Variants in BRD3 observed in about 807,000 individuals in gnomAD.
BRD3 encodes bromodomain containing 3.
Under a neutral mutation model 66.8 loss-of-function variants are expected in BRD3, and 17 were observed. The ratio of observed to expected loss-of-function variants is 0.25; its 90% confidence interval spans 0.17 to 0.38. BRD3 has a LOEUF of 0.38. BRD3 is among the 10% of genes least tolerant of loss of function. The pLI is 1.00. For missense variants in BRD3, 713 were observed against 956.1 expected (o/e 0.75, Z 3.35); for synonymous variants, 421 against 393.2 (o/e 1.07, Z -0.84).
At chr9:134,052,220 A>C in intron 3 of BRD3, 86 bp downstream of exon 3, 1 of 1,530,500 alleles carries the variant, frequency 6.5e-7, no homozygotes, top group Non-Finnish European at 8.8e-7. Context: ...CCTGCCCAAG[A>C]GCTGCTGCAA....
Position 134,049,804 on chromosome 9 carries a change from C to T in BRD3, c.714+570G>A, listed in dbSNP as rs189517506. On this transcript the variant is annotated intron_variant, in intron 5 of 11. Transcript: ENST00000303407. ...AGATAATACACATAAGTGCCTGGCA[C>T]GGGCCCTGCCCAAAGCAGGAGACTC... Among the ~76,000 whole-genome samples, 374 of 152,342 alleles carry T rather than the reference C, an allele frequency of 2.5e-3. 2 individuals are homozygous for T. Among genetic ancestry groups the T allele is most frequent in the African/African-American group, 8.5e-3 (353 of 41,588 alleles).
At chr9:134,062,668 G>A (rs116427967) in intron 1 of BRD3, among the ~76,000 whole-genome samples, 2,001 of 152,272 alleles carry the variant, frequency 0.013, 42 homozygotes, top group African/African-American at 0.046. Flanking sequence ...CTCTACCCCC[G>A]TGGGACCCTC....
intron 8 of BRD3, among the ~76,000 whole-genome samples, chr9:134,041,554 C>T (rs1020235869): frequency 3.3e-5 from 5 of 152,240 alleles, no homozygotes; most frequent in African/African-American, 9.6e-5. Context: ...CACGTGTCCC[C>T]GCAGCCACCC....
intron 1 of BRD3, among the ~76,000 whole-genome samples, chr9:134,062,360 G>T (rs1202604651): frequency 6.6e-6 from 1 of 152,138 alleles, no homozygotes; most frequent in Non-Finnish European, 1.5e-5. Context: ...CAGACACGCT[G>T]GGCAGGTGCA....
At chr9:134,037,173 T>G (rs943472304) in intron 9 of BRD3, among the ~76,000 whole-genome samples, 2 of 151,954 alleles carry the variant, frequency 1.3e-5, no homozygotes, top group African/African-American at 4.8e-5. Flanking sequence ...AGGAAAAAAG[T>G]GAGAAAAAAA....
Position 134,036,159 on chromosome 9 carries a change from C to T in BRD3, c.1809G>A (p.Glu603=), listed in dbSNP as rs1267841071. 6.2e-7 allele frequency: 1 copy of T among 1,614,244 alleles called. No homozygotes were observed. Among genetic ancestry groups the T allele is most frequent in the Non-Finnish European group, 8.5e-7 (1 of 1,180,046 alleles). The change falls in exon 10 of 12, where the codon GAG becomes GAA. Residue 603 remains glutamate (E), a synonymous_variant. Coordinates refer to ENST00000303407, the MANE Select transcript of BRD3 (RefSeq NM_007371.4). ...GRVVHIIQSR[E]PSLRDSNPDE... is the part of the protein sequence containing the mutation. ...CGGGGTTGGAGTCCCTGAGCGAGGGCTCCCGAGATTGGATGATGTGCACTA... is the reference window on the plus strand; with the variant it reads ...CGGGGTTGGAGTCCCTGAGCGAGGGTTCCCGAGATTGGATGATGTGCACTA...
At chr9:134,035,124 C>T (rs1397292005) in intron 10 of BRD3, among the ~76,000 whole-genome samples, 1 of 152,184 alleles carries the variant, frequency 6.6e-6, no homozygotes, top group Admixed American at 6.5e-5. Flanking sequence ...GGTGCACGGA[C>T]AGGATGCGGT....
chr9:134,038,403 G>C (rs975644117), intron 9 of BRD3, among the ~76,000 whole-genome samples: 2 of 152,140 alleles, frequency 1.3e-5, no homozygotes, highest in Non-Finnish European at 2.9e-5. Context: ...ACTGCACCTG[G>C]CCTCAAATCA....
chr9:134,051,250 CA>C (rs1221461859), intron 4 of BRD3, among the ~76,000 whole-genome samples: 7 of 152,210 alleles, frequency 4.6e-5, no homozygotes, highest in Admixed American at 3.9e-4. Flanking sequence ...GAAGTGACCT[CA>C]GGGCTGGAGC....
Position 134,030,594 on chromosome 9 carries a change from A to C in BRD3, c.*2996T>G, listed in dbSNP as rs1257947085. The C allele has an allele frequency of 9.0e-6, 2 of 223,442 alleles. No homozygotes were observed. The highest frequency in any genetic ancestry group is 1.8e-5 in the Non-Finnish European group (2 of 112,058). 13.8% of individuals were successfully genotyped at this position (223,442 alleles called of 1,614,324 possible). On this transcript the variant is annotated 3_prime_UTR_variant, in exon 12 of 12. Transcript: ENST00000303407. ...AACATTTTAAATATAAAAAAGAAAA[A>C]CTTCCTGGAAGCATTATGCCAGTAT...
At chr9:134,063,790 G>C (rs1161339788) in intron 1 of BRD3, among the ~76,000 whole-genome samples, 2 of 152,162 alleles carry the variant, frequency 1.3e-5, no homozygotes, top group Non-Finnish European at 2.9e-5. Flanking sequence ...GAGTCCACTG[G>C]GTGCTTTGCA....
At chr9:134,037,054 C>G (rs550909490) in intron 9 of BRD3, among the ~76,000 whole-genome samples, 1 of 151,990 alleles carries the variant, frequency 6.6e-6, no homozygotes, top group East Asian at 1.9e-4. Context: ...TCTAAACACA[C>G]CAACTAAAAG....
intron 1 of BRD3, among the ~76,000 whole-genome samples, chr9:134,067,677 G>C (rs1830696853): frequency 6.8e-6 from 1 of 146,370 alleles, no homozygotes; most frequent in African/African-American, 2.5e-5. Flanking sequence ...GACGGAGGCG[G>C]CCAAGCGGGA....
chr9:134,053,796 A>T, intron 1 of BRD3: 2 of 357,762 alleles, frequency 5.6e-6, no homozygotes, highest in Non-Finnish European at 1.0e-5. Flanking sequence ...CGACTCTCCA[A>T]CCACTGCTCT....
chr9:134,035,796 G>C (rs55803882), intron 10 of BRD3, among the ~76,000 whole-genome samples: 115 of 152,332 alleles, frequency 7.5e-4, no homozygotes, highest in African/African-American at 2.6e-3. Flanking sequence ...ATGTCCCCAA[G>C]AACAGGGAAA....
intron 3 of BRD3, among the ~76,000 whole-genome samples, 169 bp from the exon 4 acceptor site, chr9:134,051,878 T>TG (rs372701647): frequency 0.013 from 1,467 of 116,230 alleles, 61 homozygotes; most frequent in African/African-American, 0.035. Context: ...TGTGTGTGTG[T>TG]TGTTTTTTTT....
At position 134,050,424 on chromosome 9, in the gene BRD3, G is replaced by A. The variant is rs1162459223; in HGVS notation, c.664C>T (p.Pro222Ser). Residue 222 changes from proline to serine, a missense_variant, in exon 5 of 12, where the codon CCT (proline) becomes TCT (serine). Around this residue, in one of 5 missense-constraint regions of BRD3, gnomAD observed 120 missense variants for 122.8 expected, o/e 0.98. Coordinates refer to ENST00000303407, the MANE Select transcript of BRD3 (RefSeq NM_007371.4). ...ACCACGGGGACGATGGGTGTGGCAG[G>A]AGGAGGTGGGGCGGCAGCTGGGGGG... ...PVPPAAAPPP[P>S]ATPIVPVVPP... The A allele has an allele frequency of 6.8e-6, 11 of 1,612,376 alleles. No homozygotes were observed. The highest frequency in any genetic ancestry group is 6.8e-6 in the Non-Finnish European group (8 of 1,179,652).
At chr9:134,039,975 G>A (rs975559417) in intron 9 of BRD3, 59 bp downstream of exon 9, 5 of 1,529,468 alleles carry the variant, frequency 3.3e-6, no homozygotes, top group Admixed American at 2.1e-5. Context: ...GCTGCTACAT[G>A]AGCCCCCATG....
intron 8 of BRD3, among the ~76,000 whole-genome samples, chr9:134,040,723 A>C (rs971393849): frequency 6.6e-6 from 1 of 152,244 alleles, no homozygotes; most frequent in Non-Finnish European, 1.5e-5. Context: ...TGTTCAGATA[A>C]GGAAGGACTC....
Sources: gnomAD v4.1 joint callset for allele counts (sites outside exome capture counted in the v4.1 genomes callset) on GRCh38, gnomAD v4.1.1 for gene constraint, gnomAD v4.1.1 regional missense constraint, MANE v1.5 for transcripts, NCBI Gene and HGNC (gene_info 2026-07-23, HGNC 2026-07-21) for gene names.